Variants in TMEM131 observed in about 807,000 individuals in gnomAD.
TMEM131 encodes transmembrane protein 131, also known as 2610524E03Rik.
TMEM131 carries 66 observed loss-of-function variants against 211.6 expected under a neutral mutation model. That is an observed-to-expected ratio of 0.31 (90% CI 0.26 to 0.38). The LOEUF (loss-of-function observed/expected upper bound fraction) is 0.38, where lower values mean the gene tolerates loss of function less well. TMEM131 is among the 10% of genes least tolerant of loss of function. TMEM131 has a pLI of 1.00. For synonymous variants in TMEM131, 844 were observed against 841.3 expected (o/e 1.00, Z -0.06); for missense variants, 2,036 against 2,299.3 (o/e 0.89, Z 2.34).
Position 97,890,066 on chromosome 2 carries a change from T to C in TMEM131, c.291-1946A>G, listed in dbSNP as rs182482858. 2.0e-3 allele frequency among the ~76,000 whole-genome samples: 312 copies of C among 152,238 alleles called. 5 individuals are homozygous for C. The highest frequency in any genetic ancestry group is 1.1e-3 in the Non-Finnish European group (74 of 68,018). On this transcript the variant is annotated intron_variant, in intron 3 of 40. Coordinates refer to ENST00000186436, the MANE Select transcript of TMEM131 (RefSeq NM_015348.2). ...TATTTGGCGAGTTGAACAAGGAGGC[T>C]GAAGTGACCACTGTGCAGTGAGGGA...
At chr2:97,849,717 C>CTTTTTTTTT (rs11320615) in intron 5 of TMEM131, among the ~76,000 whole-genome samples, 5 of 103,824 alleles carry the variant, frequency 4.8e-5, no homozygotes, top group Admixed American at 1.1e-4. Flanking sequence ...CTCTCTCTCT[C>CTTTTTTTTT]TTTTTTTTTT....
intron 2 of TMEM131, among the ~76,000 whole-genome samples, chr2:97,918,209 G>C (rs1388155763): frequency 6.6e-6 from 1 of 152,148 alleles, no homozygotes; most frequent in African/African-American, 2.4e-5. Flanking sequence ...CTCCCAAAGT[G>C]TTGGGATTAC....
chr2:97,906,939 T>G (rs1676096474), intron 3 of TMEM131, among the ~76,000 whole-genome samples: 1 of 152,330 alleles, frequency 6.6e-6, no homozygotes, highest in East Asian at 1.9e-4. Flanking sequence ...AATATAATTA[T>G]GTACTGATGT....
At chr2:97,958,014 T>C (rs1298254873) in intron 1 of TMEM131, among the ~76,000 whole-genome samples, 1 of 152,088 alleles carries the variant, frequency 6.6e-6, no homozygotes, top group Non-Finnish European at 1.5e-5. Flanking sequence ...TATGGAGTGG[T>C]TACGTCTGAA....
At chr2:97,982,065 G>A (rs1679822164) in intron 1 of TMEM131, among the ~76,000 whole-genome samples, 1 of 152,158 alleles carries the variant, frequency 6.6e-6, no homozygotes, top group Non-Finnish European at 1.5e-5. Flanking sequence ...GAGCATAACT[G>A]TGGGTCATAC....
chr2:97,855,776 C>A (rs1003750470), intron 5 of TMEM131, among the ~76,000 whole-genome samples: 30 of 151,682 alleles, frequency 2.0e-4, no homozygotes, highest in African/African-American at 7.0e-4. Context: ...GTATATTATT[C>A]CAGATCAATA....
intron 40 of TMEM131, 90 bp from the exon 41 acceptor site, chr2:97,757,473 G>C: frequency 7.2e-7 from 1 of 1,379,582 alleles, no homozygotes; most frequent in Non-Finnish European, 9.8e-7. Flanking sequence ...AGATGAGGCT[G>C]GGGCACGCAT....
intron 4 of TMEM131, among the ~76,000 whole-genome samples, chr2:97,876,837 G>A (rs1352888738): frequency 6.6e-6 from 1 of 152,198 alleles, no homozygotes; most frequent in Non-Finnish European, 1.5e-5. Context: ...ACATAGTATT[G>A]GAAGTTCTGG....
intron 5 of TMEM131, among the ~76,000 whole-genome samples, chr2:97,848,417 G>T (rs1187284771): frequency 6.6e-6 from 1 of 152,180 alleles, no homozygotes; most frequent in Admixed American, 6.5e-5. Flanking sequence ...TGTGGTTGCT[G>T]AAGTCTCTGC....
chr2:97,896,880 T>C (rs1358360479), intron 3 of TMEM131, among the ~76,000 whole-genome samples: 3 of 151,952 alleles, frequency 2.0e-5, no homozygotes, highest in Non-Finnish European at 4.4e-5. Flanking sequence ...AAAAAAAAAA[T>C]TGTCTGTTGA....
chr2:97,775,012 T>C lies in TMEM131; in HGVS notation c.4320+831A>G, dbSNP rs1413463870. Among the ~76,000 whole-genome samples, 3 of 152,328 alleles carry C rather than the reference T, an allele frequency of 2.0e-5. No homozygotes were observed. The East Asian group carries it at 5.8e-4, about 29-fold the overall frequency. On this transcript the variant is annotated intron_variant, in intron 32 of 40. Transcript: ENST00000186436. ...ACTGCTGGAAATCTGTAAGAAGTGA[T>C]TCCTTGGTCAATAGACTAAAACTAA...
intron 3 of TMEM131, among the ~76,000 whole-genome samples, chr2:97,888,777 G>C (rs1025771937): frequency 6.6e-5 from 10 of 152,150 alleles, no homozygotes; most frequent in Admixed American, 4.6e-4. Context: ...CTTTTGGTGG[G>C]GTAGGGGGAG....
chr2:97,827,742 G>C (rs1215461098), intron 11 of TMEM131, among the ~76,000 whole-genome samples: 2 of 151,652 alleles, frequency 1.3e-5, no homozygotes, highest in Non-Finnish European at 1.5e-5. Context: ...ATCATTTGCT[G>C]GTTGTTTATT....
intron 3 of TMEM131, among the ~76,000 whole-genome samples, chr2:97,901,898 T>G (rs1675868215): frequency 6.6e-6 from 1 of 152,108 alleles, no homozygotes; most frequent in South Asian, 2.1e-4. Context: ...GCAGAGTGAC[T>G]ATAGTTAGCA....
Position 97,766,125 on chromosome 2 carries a change from T to C in TMEM131, c.4712A>G (p.Lys1571Arg). The C allele has an allele frequency of 6.2e-7, 1 of 1,614,038 alleles. No individual in the cohort carries two copies. The change falls in exon 35 of 41, where the codon AAA (lysine) becomes AGA (arginine). Residue 1571 changes from lysine to arginine, a missense_variant. Lys to Arg is a conservative substitution (Grantham distance 26). This residue lies in a region of TMEM131 where 1,623 missense variants were observed against 1,805.9 expected (regional missense o/e 0.90). Coordinates refer to ENST00000186436, the MANE Select transcript of TMEM131 (RefSeq NM_015348.2). ...PPEWDSVPVH[K>R]PGSSTDSLYK... ...ACTACTATACTTACAGCTGCCAGGT[T>C]TGTGAACTGGAACGGAATCCCACTC...
intron 2 of TMEM131, among the ~76,000 whole-genome samples, chr2:97,923,485 G>T (rs1573562460): frequency 6.6e-6 from 1 of 151,762 alleles, no homozygotes; most frequent in East Asian, 1.9e-4. Flanking sequence ...AGCCAGATGT[G>T]GTGGCATGTG....
At chr2:97,902,416 T>C (rs1675894040) in intron 3 of TMEM131, among the ~76,000 whole-genome samples, 1 of 152,176 alleles carries the variant, frequency 6.6e-6, no homozygotes, top group Admixed American at 6.5e-5. Flanking sequence ...AGATTTCTCA[T>C]TGTTGGAGAA....
intron 4 of TMEM131, among the ~76,000 whole-genome samples, chr2:97,862,212 ACACT>A (rs1321780666): frequency 6.6e-6 from 1 of 152,182 alleles, no homozygotes; most frequent in Non-Finnish European, 1.5e-5. Flanking sequence ...TTAGATCACT[ACACT>A]CAAGTCCTTC....
Position 97,760,836 on chromosome 2 carries a change from G to A in TMEM131, c.4968C>T (p.Asn1656=), listed in dbSNP as rs1678799780. ...CAGCCGTGACTGCAGCAAAAGTGGG[G>A]TTGCCGTTCTTGCCCGGGAGCGAGG... is the stretch of plus-strand genomic sequence containing the variant. ...KAASLPGKNG[N]PTFAAVTAGY... The change falls in exon 37 of 41, where the codon AAC becomes AAT. Residue 1656 remains asparagine, a synonymous_variant. Transcript: ENST00000186436. 1 of 1,613,964 alleles carries A rather than the reference G, an allele frequency of 6.2e-7. No homozygotes were observed. The highest frequency in any genetic ancestry group is 8.5e-7 in the Non-Finnish European group (1 of 1,179,914).
Sources: gnomAD v4.1 joint callset for allele counts (sites outside exome capture counted in the v4.1 genomes callset) on GRCh38, gnomAD v4.1.1 for gene constraint, gnomAD v4.1.1 regional missense constraint, MANE v1.5 for transcripts, NCBI Gene and HGNC (gene_info 2026-07-23, HGNC 2026-07-21) for gene names.